Variants in RPS6KA2 observed in about 807,000 individuals in gnomAD.
The protein encoded by RPS6KA2 is ribosomal protein S6 kinase alpha-2.
A neutral mutation model predicts 91.8 loss-of-function variants in RPS6KA2; 42 were observed. The observed-to-expected ratio is 0.46, with a 90% CI of 0.36 to 0.59. The LOEUF is 0.59. Among genes scored for constraint, RPS6KA2 ranks in the 20% least tolerant of loss-of-function variants. RPS6KA2 has a pLI of 0.00. For missense variants in RPS6KA2, 798 were observed against 978.5 expected, an observed-to-expected ratio of 0.82 and a Z score of 2.46; for synonymous variants, 414 against 393.6, an observed-to-expected ratio of 1.05 and a Z score of -0.61.
At chr6:166,567,905 T>C (rs530794400) in intron 1 of RPS6KA2, among the ~76,000 whole-genome samples, 1 of 152,306 alleles carries the variant, frequency 6.6e-6, no homozygotes, top group Admixed American at 6.5e-5. Flanking sequence ...TATTTCCCTC[T>C]GAATCTAAAA....
intron 1 of RPS6KA2, among the ~76,000 whole-genome samples, chr6:166,611,938 T>C (rs1348015435): frequency 6.6e-6 from 1 of 152,102 alleles, no homozygotes; most frequent in African/African-American, 2.4e-5. Context: ...AGGATGCAGA[T>C]CTCCCTGGGG....
At chr6:166,577,752 G>T (rs930599342) in intron 1 of RPS6KA2, among the ~76,000 whole-genome samples, 8 of 152,134 alleles carry the variant, frequency 5.3e-5, no homozygotes, top group African/African-American at 1.9e-4. Context: ...AGACTTTGGG[G>T]GACTGCTGTG....
rs1480743104 is a variant in RPS6KA2 at position 166,445,846 on chromosome 6, T to C, written c.1332+2878A>G. Among the ~76,000 whole-genome samples the C allele has an allele frequency of 1.3e-5, 2 of 152,204 alleles. No homozygotes were observed. Among genetic ancestry groups the C allele is most frequent in the East Asian group, 3.9e-4 (2 of 5,190 alleles). On this transcript the variant is annotated intron_variant, in intron 14 of 20. Coordinates refer to ENST00000265678, the MANE Select transcript of RPS6KA2 (RefSeq NM_021135.6). This position sits in a 1 kb window ranked among gnomAD's most constrained non-coding sequence, Gnocchi z 4.5. ...AACTGGGAGTGGTAAAGCCGGATTC[T>C]AGTGACAATCTCGGCTGGACATCTG...
intron 2 of RPS6KA2, among the ~76,000 whole-genome samples, chr6:166,708,476 C>A (rs969074301): frequency 2.0e-5 from 3 of 152,188 alleles, no homozygotes; most frequent in Non-Finnish European, 4.4e-5. Flanking sequence ...AAAGAAACTG[C>A]TTTATCAGGT....
intron 14 of RPS6KA2, among the ~76,000 whole-genome samples, chr6:166,446,273 G>A (rs1421628668): frequency 6.6e-6 from 1 of 152,210 alleles, no homozygotes; most frequent in African/African-American, 2.4e-5. Context: ...CTGGTCACAG[G>A]AGCCTTCTGG....
chr6:166,592,591 G>C (rs1213442018), intron 1 of RPS6KA2, among the ~76,000 whole-genome samples: 1 of 152,042 alleles, frequency 6.6e-6, no homozygotes, highest in Non-Finnish European at 1.5e-5. Context: ...GTGAATCAGC[G>C]CCTGTCCTTA....
At chr6:166,527,164 C>G (rs1783082513) in intron 3 of RPS6KA2, among the ~76,000 whole-genome samples, 1 of 152,222 alleles carries the variant, frequency 6.6e-6, no homozygotes, top group African/African-American at 2.4e-5. Context: ...CTTCCCGCTC[C>G]TCCATTCCAC....
At chr6:166,632,060 A>C (rs192058438), upstream of RPS6KA2, among the ~76,000 whole-genome samples, 51 of 152,258 alleles carry the variant, frequency 3.3e-4, no homozygotes, top group African/African-American at 1.1e-3. Context: ...TCTGCCTCAT[A>C]GCTGAAGCTT....
Position 166,411,315 on chromosome 6 carries a change from G to A in RPS6KA2, c.*1447C>T, listed in dbSNP as rs1295798897. ...TAGGGAAAACCTGGCTGTGGCCAGCGGGCACCTCCTGAAGCCCTGCTTGCT... is the reference window on the plus strand; with the variant it reads ...TAGGGAAAACCTGGCTGTGGCCAGCAGGCACCTCCTGAAGCCCTGCTTGCT... On this transcript the variant is annotated 3_prime_UTR_variant, in exon 21 of 21. Coordinates refer to ENST00000265678, the MANE Select transcript of RPS6KA2 (RefSeq NM_021135.6). The surrounding 1 kb of genome is among the most constrained non-coding windows in gnomAD (Gnocchi z 4.5). The A allele has an allele frequency of 2.0e-5, 3 of 151,954 alleles. No homozygotes were observed. Among genetic ancestry groups the A allele is most frequent in the Admixed American group, 1.3e-4 (2 of 15,260 alleles). 9.4% of individuals were successfully genotyped at this position (151,954 alleles called of 1,614,324 possible). A position where few individuals can be genotyped will look rare whatever the true frequency, so the allele number is the denominator to read the frequency against.
chr6:166,826,287 T>C (rs1023333181), intron 2 of RPS6KA2, among the ~76,000 whole-genome samples: 2 of 152,232 alleles, frequency 1.3e-5, no homozygotes, highest in African/African-American at 4.8e-5. Context: ...AGTAGAAAGA[T>C]ACGTTTCCCA....
intron 2 of RPS6KA2, among the ~76,000 whole-genome samples, chr6:166,660,134 T>C (rs1270071310): frequency 6.6e-6 from 1 of 152,204 alleles, no homozygotes; most frequent in Non-Finnish European, 1.5e-5. Context: ...AAACTCTGTT[T>C]TACTTTTTTT....
intron 2 of RPS6KA2, among the ~76,000 whole-genome samples, chr6:166,746,209 G>C (rs1361459264): frequency 6.6e-6 from 1 of 152,218 alleles, no homozygotes; most frequent in Non-Finnish European, 1.5e-5. Context: ...GCAAGGCCAT[G>C]TGATAAGAAC....
chr6:166,746,688 G>A (rs56176699), intron 2 of RPS6KA2, among the ~76,000 whole-genome samples: 2,915 of 152,242 alleles, frequency 0.019, 94 homozygotes, highest in African/African-American at 0.067. Flanking sequence ...ATAAATAGGG[G>A]TTCCTATTGT....
intron 1 of RPS6KA2, among the ~76,000 whole-genome samples, chr6:166,599,314 TGAG>T (rs1231297925): frequency 1.3e-5 from 2 of 152,238 alleles, no homozygotes; most frequent in African/African-American, 4.8e-5. Flanking sequence ...TCTCCTCTGA[TGAG>T]GTTACCAGAT....
chr6:166,517,636 C>T (rs561960049), intron 3 of RPS6KA2, among the ~76,000 whole-genome samples: 254 of 151,290 alleles, frequency 1.7e-3, no homozygotes, highest in Middle Eastern at 3.4e-3. Flanking sequence ...CCACCGCGCC[C>T]GGCTAATTTT....
chr6:166,824,757 G>GTGTC (rs1360825530), intron 2 of RPS6KA2, among the ~76,000 whole-genome samples: 9 of 146,802 alleles, frequency 6.1e-5, no homozygotes, highest in South Asian at 2.2e-4. Context: ...GTATGTCTGT[G>GTGTC]TGTGTGTCTG....
intron 2 of RPS6KA2, among the ~76,000 whole-genome samples, chr6:166,675,391 G>GC (rs1788590025): frequency 6.6e-6 from 1 of 152,152 alleles, no homozygotes; most frequent in Non-Finnish European, 1.5e-5. Flanking sequence ...CCCTGGTCCT[G>GC]CCCCAGTTTC....
chr6:166,683,931 C>T (rs75020816), intron 2 of RPS6KA2, among the ~76,000 whole-genome samples: 1,665 of 152,260 alleles, frequency 0.011, 33 homozygotes, highest in East Asian at 0.064. Context: ...ACCTCCCCTT[C>T]CCTTCTCAGG....
intron 1 of RPS6KA2, among the ~76,000 whole-genome samples, chr6:166,583,524 A>C (rs1785082153): frequency 6.6e-6 from 1 of 152,184 alleles, no homozygotes; most frequent in Admixed American, 6.5e-5. Context: ...GTGCTGAAAC[A>C]CTGCGGAAGT....
Sources: gnomAD v4.1 joint callset for allele counts (sites outside exome capture counted in the v4.1 genomes callset) on GRCh38, gnomAD v4.1.1 for gene constraint, Gnocchi (gnomAD v3.1) non-coding constraint, MANE v1.5 for transcripts, NCBI Gene and HGNC (gene_info 2026-07-23, HGNC 2026-07-21) for gene names.